The following FBXO40 variants were observed in gnomAD, a reference collection of about 807,000 sequenced individuals.
The protein encoded by FBXO40 is F-box only protein 40.
Under a neutral mutation model 49.9 loss-of-function variants are expected in FBXO40, and 50 were observed. The ratio of observed to expected loss-of-function variants is 1.00; its 90% confidence interval spans 0.80 to 1.27. FBXO40 has a LOEUF of 1.27. FBXO40 is among the 50% of genes most tolerant of loss of function. The probability of loss-of-function intolerance (pLI) is 0.00; values close to 1 mark genes in which losing one functional copy is unlikely to be tolerated. For synonymous variants in FBXO40, 340 were observed against 320.2 expected (o/e 1.06, Z -0.66); for missense variants, 895 against 870.1 (o/e 1.03, Z -0.36).
At chr3:121,612,865 C>G (rs2331815) in intron 1 of FBXO40, among the ~76,000 whole-genome samples, 1 of 151,696 alleles carries the variant, frequency 6.6e-6, no homozygotes, top group East Asian at 1.9e-4. Context: ...GTCAGTGAAT[C>G]GAGGCCATCC....
rs2049040425 is a variant in FBXO40 at position 121,622,731 on chromosome 3, G to A, written c.1302G>A (p.Glu434=). ...MDFATQTYNF[E]PEQFSSGTVL... The stretch of plus-strand genomic sequence containing the variant: ...TTGCCACACAAACATACAACTTTGA[G>A]CCAGAACAGTTTTCCTCTGGGACAG... The change falls in exon 3 of 4, where the codon GAG becomes GAA. Residue 434 remains glutamate (E), a synonymous_variant. Coordinates refer to ENST00000338040, the MANE Select transcript of FBXO40 (RefSeq NM_016298.4). The A allele has an allele frequency of 2.5e-6, 4 of 1,614,030 alleles. No individual in the cohort carries two copies. The highest frequency in any genetic ancestry group is 2.7e-5 in the African/African-American group (2 of 74,930).
At chr3:121,621,150 C>G (rs1576455327) in intron 2 of FBXO40, among the ~76,000 whole-genome samples, 3 of 152,204 alleles carry the variant, frequency 2.0e-5, no homozygotes, top group African/African-American at 4.8e-5. Context: ...ATCCACAACT[C>G]AAAAATAACA....
intron 1 of FBXO40, among the ~76,000 whole-genome samples, chr3:121,609,412 T>G (rs2048952640): frequency 6.6e-6 from 1 of 150,640 alleles, no homozygotes; most frequent in Non-Finnish European, 1.5e-5. Context: ...TACTAGATAA[T>G]TGTGCCCTTT....
rs532952422 is a variant in FBXO40 at position 121,611,230 on chromosome 3, T to A, written c.-30-9316T>A. Among the ~76,000 whole-genome samples, 115 of 152,334 alleles carry A rather than the reference T, an allele frequency of 7.5e-4. 1 individual carries two copies. In the South Asian group the frequency reaches 0.011, roughly 14 times the overall value. ...AACAGTGGGCCCAGGGGACCAGCGCTTAGCATACCAAGGACCTGCACCGGC... is the reference window on the plus strand; with the variant it reads ...AACAGTGGGCCCAGGGGACCAGCGCATAGCATACCAAGGACCTGCACCGGC... On this transcript the variant is annotated intron_variant, in intron 1 of 3. Transcript: ENST00000338040.
chr3:121,620,702 C>T, intron 2 of FBXO40, 124 bp downstream of exon 2: 2 of 1,213,340 alleles, frequency 1.6e-6, no homozygotes, highest in South Asian at 2.7e-5. Context: ...CAACTTTTTT[C>T]CAAACTAGAG....
chr3:121,611,329 G>C (rs2048963943), intron 1 of FBXO40, among the ~76,000 whole-genome samples: 2 of 152,176 alleles, frequency 1.3e-5, no homozygotes, highest in African/African-American at 4.8e-5. Context: ...TGTAGTAGGA[G>C]GGCAAGGTGA....
At position 121,621,680 on chromosome 3, in the gene FBXO40, A is replaced by T; in HGVS notation, c.251A>T (p.His84Leu). ...ATGTCCCGCCACAAACTGGCCAAGCACCTGCAGGTGTGCCCCGCCAGCGTG... is the reference window on the plus strand; with the variant it reads ...ATGTCCCGCCACAAACTGGCCAAGCTCCTGCAGGTGTGCCCCGCCAGCGTG... ...LSMSRHKLAK[H>L]LQVCPASVVC... The change falls in exon 3 of 4, where the codon CAC becomes CTC. Residue 84 changes from histidine (H) to leucine (L), a missense_variant. His to Leu is a moderately conservative substitution (Grantham distance 99). Transcript: ENST00000338040. The T allele has an allele frequency of 6.2e-7, 1 of 1,614,192 alleles. No homozygotes were observed. Among genetic ancestry groups the T allele is most frequent in the Non-Finnish European group, 8.5e-7 (1 of 1,180,028 alleles).
At chr3:121,616,304 A>G (rs2048997295) in intron 1 of FBXO40, among the ~76,000 whole-genome samples, 1 of 152,104 alleles carries the variant, frequency 6.6e-6, no homozygotes, top group Non-Finnish European at 1.5e-5. Flanking sequence ...TGTGCATAAG[A>G]ATCAGATGGG....
intron 1 of FBXO40, among the ~76,000 whole-genome samples, chr3:121,593,943 G>C (rs554867237): frequency 6.6e-6 from 1 of 152,190 alleles, no homozygotes; most frequent in South Asian, 2.1e-4. Flanking sequence ...TTGGCTCACT[G>C]CAGCCCCTAC....
intron 1 of FBXO40, among the ~76,000 whole-genome samples, chr3:121,602,467 G>A (rs180866777): frequency 1.4e-4 from 22 of 152,184 alleles, no homozygotes; most frequent in African/African-American, 3.1e-4. Flanking sequence ...TTCCTGGTTC[G>A]AAATCTTGGC....
intron 1 of FBXO40, among the ~76,000 whole-genome samples, chr3:121,618,735 G>GTGTGTGTA (rs1245925612): frequency 2.3e-4 from 35 of 151,802 alleles, no homozygotes; most frequent in African/African-American, 8.5e-4. Flanking sequence ...AACTGTGTGT[G>GTGTGTGTA]TGTGTGTATG....
intron 1 of FBXO40, among the ~76,000 whole-genome samples, chr3:121,604,416 T>C (rs557780210): frequency 7.9e-5 from 12 of 152,216 alleles, no homozygotes; most frequent in Non-Finnish European, 1.5e-4. Flanking sequence ...AACCCTACAT[T>C]CCATGCAAAA....
In FBXO40 at chr3:121,621,524, C is replaced by A. The variant is rs1232854409; in HGVS notation, c.95C>A (p.Ser32Tyr). ...CACATTCCTGTGGAACCCAACACCT[C>A]CTGCCTGGTAATAAGCTGCCACCTG... The part of the protein sequence containing the change: ...HCHIPVEPNT[S>Y]CLVISCHLLC... The change falls in exon 3 of 4, where the codon TCC becomes TAC. Residue 32 changes from serine (S) to tyrosine (Y), a missense_variant. Ser to Tyr is a moderately radical substitution (Grantham distance 144). Transcript: ENST00000338040. 1.2e-6 allele frequency: 2 copies of A among 1,614,242 alleles called. No homozygotes were observed. Among genetic ancestry groups the A allele is most frequent in the South Asian group, 2.2e-5 (2 of 91,092 alleles).
At chr3:121,607,076 C>A (rs2048935456) in intron 1 of FBXO40, among the ~76,000 whole-genome samples, 1 of 151,946 alleles carries the variant, frequency 6.6e-6, no homozygotes, top group African/African-American at 2.4e-5. Context: ...ACTAGCCTGG[C>A]CAATATGGTG....
Position 121,622,741 on chromosome 3 carries a change from T to C in FBXO40, c.1312T>C (p.Phe438Leu), listed in dbSNP as rs1449413103. Residue 438 changes from phenylalanine (F) to leucine (L), a missense_variant, in exon 3 of 4, where the codon TTT (phenylalanine) becomes CTT (leucine). Phe to Leu is a conservative substitution (Grantham distance 22). Transcript: ENST00000338040. The part of the protein sequence containing the change: ...TQTYNFEPEQ[F>L]SSGTVLADLT... ...AACATACAACTTTGAGCCAGAACAGTTTTCCTCTGGGACAGTGCTGGCTGA... is the reference window on the plus strand; with the variant it reads ...AACATACAACTTTGAGCCAGAACAGCTTTCCTCTGGGACAGTGCTGGCTGA... 4 of 1,614,082 alleles carry C rather than the reference T, an allele frequency of 2.5e-6. No homozygotes were observed. Among genetic ancestry groups the C allele is most frequent in the East Asian group, 4.5e-5 (2 of 44,868 alleles).
At chr3:121,603,289 C>G (rs2048910501) in intron 1 of FBXO40, among the ~76,000 whole-genome samples, 1 of 152,220 alleles carries the variant, frequency 6.6e-6, no homozygotes, top group African/African-American at 2.4e-5. Context: ...TTATTGGAAA[C>G]TACTCTGTTA....
Position 121,622,758 on chromosome 3 carries a change from G to A in FBXO40, c.1329G>A (p.Val443=). The A allele has an allele frequency of 6.2e-7, 1 of 1,614,188 alleles. No homozygotes were observed. Among genetic ancestry groups the A allele is most frequent in the African/African-American group, 1.3e-5 (1 of 75,062 alleles). ...FEPEQFSSGT[V]LADLTAATPG... The stretch of plus-strand genomic sequence containing the variant: ...CAGAACAGTTTTCCTCTGGGACAGT[G>A]CTGGCTGACCTAACCGCTGCCACCC... The change falls in exon 3 of 4, where the codon GTG becomes GTA. Residue 443 remains valine, a synonymous_variant. Transcript: ENST00000338040.
At chr3:121,612,591 A>G (rs1290645732) in intron 1 of FBXO40, among the ~76,000 whole-genome samples, 1 of 152,000 alleles carries the variant, frequency 6.6e-6, no homozygotes, top group Non-Finnish European at 1.5e-5. Context: ...AAACATATAC[A>G]AGCGTATTTT....
Position 121,595,008 on chromosome 3 carries a change from A to G in FBXO40, c.-31+1506A>G, listed in dbSNP as rs186630025. On this transcript the variant is annotated intron_variant, in intron 1 of 3. Coordinates refer to ENST00000338040, the MANE Select transcript of FBXO40 (RefSeq NM_016298.4). ...TTATTTTCTTGTTTTTCACTGGTTC[A>G]AAGTTCAGCTAAGGACATCCTGGGA... 2.6e-5 allele frequency among the ~76,000 whole-genome samples: 4 copies of G among 152,328 alleles called. No homozygotes were observed. The East Asian group carries it at 7.7e-4, about 29-fold the overall frequency.
Sources: gnomAD v4.1 joint callset for allele counts (sites outside exome capture counted in the v4.1 genomes callset) on GRCh38, gnomAD v4.1.1 for gene constraint, MANE v1.5 for transcripts, NCBI Gene and HGNC (gene_info 2026-07-23, HGNC 2026-07-21) for gene names.